PCDHGB4: variants seen among roughly 807,000 people sequenced by gnomAD.
PCDHGB4 encodes protocadherin gamma-B4.
Under a neutral mutation model 60.5 loss-of-function variants are expected in PCDHGB4, and 38 were observed. The ratio of observed to expected loss-of-function variants is 0.63; its 90% CI spans 0.48 to 0.82. The LOEUF is 0.82. PCDHGB4 is among the 40% of genes least tolerant of loss of function. PCDHGB4 has a pLI of 0.00. For missense variants in PCDHGB4, 1,109 were observed against 1,209.6 expected (o/e 0.92, Z 1.23); for synonymous variants, 456 against 509.7 (o/e 0.89, Z 1.42).
chr5:141,419,274 C>T lies in PCDHGB4; in HGVS notation c.2397+28993C>T, dbSNP rs755798236. 17 of 1,613,900 alleles carry T rather than the reference C, an allele frequency of 1.1e-5. No homozygotes were observed. Among genetic ancestry groups the T allele is most frequent in the African/African-American group, 1.3e-5 (1 of 74,948 alleles). ...AACAACCAGCCGGGTGCCTCCATAG[C>T]GCAAGTCAGTGCCTCTGACCCAGAC... is the stretch of plus-strand genomic sequence containing the variant. On this transcript the variant is annotated intron_variant, in intron 1 of 3. Transcript: ENST00000519479.
In PCDHGB4 at chr5:141,415,740, GTTTTTTTTTT is replaced by G. The variant is rs57426385; in HGVS notation, c.2397+25482_2397+25491del. The G allele has an allele frequency of 4.3e-3, 2,655 of 623,934 alleles. 2 individuals carry two copies. The highest frequency in any genetic ancestry group is 4.3e-3 in the Non-Finnish European group (2,016 of 468,394). The allele number at this position is 623,934 out of a possible 1,614,324, so 38.6% of individuals were successfully genotyped here. ...TGAGTAGAATTTGATGTTTATTAAG[GTTTTTTTTTT>G]TTTTTTTTTTTTTTTTTTTTTTACT... On this transcript the variant is annotated intron_variant, in intron 1 of 3. Coordinates refer to ENST00000519479, the MANE Select transcript of PCDHGB4 (RefSeq NM_003736.4).
At chr5:141,415,736 TAAGG>T (rs2095905512) in intron 1 of PCDHGB4, 1 of 1,289,864 alleles carries the variant, frequency 7.8e-7, no homozygotes, top group Admixed American at 3.4e-5. Flanking sequence ...TGATGTTTAT[TAAGG>T]TTTTTTTTTT....
At chr5:141,448,021 G>A (rs1376525971) in intron 1 of PCDHGB4, among the ~76,000 whole-genome samples, 2 of 152,050 alleles carry the variant, frequency 1.3e-5, no homozygotes, top group African/African-American at 4.8e-5. Context: ...AGGAGGTGGA[G>A]GTTGCAGTGA....
chr5:141,393,799 G>C lies in PCDHGB4; in HGVS notation c.2397+3518G>C, dbSNP rs2092846945. ...GCCGAAGATGTGGGGGCACTTCTGG[G>C]GAGGACCAAATTGCTCATTTCGGTG... On this transcript the variant is annotated intron_variant, in intron 1 of 3. Transcript: ENST00000519479. 2.5e-6 allele frequency: 4 copies of C among 1,613,802 alleles called. No homozygotes were observed. The highest frequency in any genetic ancestry group is 2.5e-6 in the Non-Finnish European group (3 of 1,179,888).
In PCDHGB4 at chr5:141,512,848, G is replaced by C. The variant is rs1362051688; in HGVS notation, c.*1675G>C. The C allele has an allele frequency of 6.6e-6, 1 of 152,216 alleles. No individual in the cohort carries two copies. 9.4% of individuals were successfully genotyped at this position (152,216 alleles called of 1,614,324 possible). ...CCCCGTACTGACTTCTCCTATAAGC[G>C]CTTCTCTTCGCATAGTCACGTAGCT... On this transcript the variant is annotated 3_prime_UTR_variant, in exon 4 of 4. Transcript: ENST00000519479.
Position 141,431,883 on chromosome 5 carries a change from A to T in PCDHGB4, c.2397+41602A>T, listed in dbSNP as rs748968989. 6.8e-6 allele frequency: 11 copies of T among 1,614,118 alleles called. No individual in the cohort carries two copies. The highest frequency in any genetic ancestry group is 1.1e-5 in the South Asian group (1 of 91,084). On this transcript the variant is annotated intron_variant, in intron 1 of 3. Transcript: ENST00000519479. The surrounding 1 kb of genome is among the most constrained non-coding windows in gnomAD (Gnocchi z 4.8). ...GCCCTTTTAAATGTAAATGACCAAG[A>T]TTCTGAGGAAAACGGACAGGTGATC...
chr5:141,408,855 G>T, intron 1 of PCDHGB4: 1 of 1,613,572 alleles, frequency 6.2e-7, no homozygotes, highest in Non-Finnish European at 8.5e-7. Context: ...TTGGACGGAG[G>T]GGACCCACCA....
intron 1 of PCDHGB4, chr5:141,423,297 C>T: frequency 1.9e-6 from 3 of 1,614,170 alleles, no homozygotes; most frequent in South Asian, 1.1e-5. Flanking sequence ...CCTCAGACCT[C>T]TCGCTGTACT....
intron 1 of PCDHGB4, chr5:141,420,079 C>T (rs1362049053): frequency 6.2e-7 from 1 of 1,613,998 alleles, no homozygotes; most frequent in Non-Finnish European, 8.5e-7. Flanking sequence ...CTGTGGGTCC[C>T]CCCAACTACA....
At chr5:141,441,782 G>T in intron 1 of PCDHGB4, 1 of 391,086 alleles carries the variant, frequency 2.6e-6, no homozygotes, top group East Asian at 8.8e-5. Context: ...TGGACGACCT[G>T]AATGACAACG....
In PCDHGB4 at chr5:141,432,854, G is replaced by A. The variant is rs769962088; in HGVS notation, c.2397+42573G>A. 1 of 1,614,192 alleles carries A rather than the reference G, an allele frequency of 6.2e-7. No homozygotes were observed. On this transcript the variant is annotated intron_variant, in intron 1 of 3. Transcript: ENST00000519479. The surrounding 1 kb of genome is among the most constrained non-coding windows in gnomAD (Gnocchi z 6.0). ...TCTGTACCTGGTGGTAGCGGTGGCC[G>A]CGGTCTCCTGCGTCTTCCTGGCCTT...
At chr5:141,450,006 C>CTATTTTTTTTT (rs70988802) in intron 1 of PCDHGB4, among the ~76,000 whole-genome samples, 2 of 132,964 alleles carry the variant, frequency 1.5e-5, no homozygotes, top group African/African-American at 2.8e-5. Flanking sequence ...TGCCATGTCT[C>CTATTTTTTTTT]TTTTTTTTTT....
In PCDHGB4 at chr5:141,486,042, G is replaced by A; in HGVS notation, c.2398-8765G>A. The A allele has an allele frequency of 6.2e-7, 1 of 1,614,180 alleles. No individual in the cohort carries two copies. The highest frequency in any genetic ancestry group is 8.5e-7 in the Non-Finnish European group (1 of 1,180,030). On this transcript the variant is annotated intron_variant, in intron 1 of 3. Coordinates refer to ENST00000519479, the MANE Select transcript of PCDHGB4 (RefSeq NM_003736.4). This position sits in a 1 kb window ranked among gnomAD's most constrained non-coding sequence, Gnocchi z 5.0. The stretch of plus-strand genomic sequence containing the variant: ...AGTGGTCATACCCCTGATCGTGTAA[G>A]AAACCTCTTTAGCCTGCACCCCACT...
In PCDHGB4 at chr5:141,486,680, T is replaced by A; in HGVS notation, c.2398-8127T>A. The A allele has an allele frequency of 6.2e-7, 1 of 1,614,102 alleles. No homozygotes were observed. Among genetic ancestry groups the A allele is most frequent in the Non-Finnish European group, 8.5e-7 (1 of 1,180,018 alleles). ...CCTGGAGCCCAGGAATCGAGATGTA[T>A]CAGCTTCCTCTTTCATCTCTCTGAA... is the stretch of plus-strand genomic sequence containing the variant. On this transcript the variant is annotated intron_variant, in intron 1 of 3. Coordinates refer to ENST00000519479, the MANE Select transcript of PCDHGB4 (RefSeq NM_003736.4). This position sits in a 1 kb window ranked among gnomAD's most constrained non-coding sequence, Gnocchi z 5.0.
At chr5:141,420,747 A>T (rs2096522944) in intron 1 of PCDHGB4, among the ~76,000 whole-genome samples, 1 of 152,220 alleles carries the variant, frequency 6.6e-6, no homozygotes, top group South Asian at 2.1e-4. Flanking sequence ...ATTGGAACCA[A>T]CTACAACCTA....
At chr5:141,393,124 T>C in intron 1 of PCDHGB4, 2 of 1,613,430 alleles carry the variant, frequency 1.2e-6, no homozygotes. Flanking sequence ...CGGTGTCTGA[T>C]AAATATTAAC....
chr5:141,431,658 C>T lies in PCDHGB4; in HGVS notation c.2397+41377C>T, dbSNP rs1283381348. 6.2e-7 allele frequency: 1 copy of T among 1,614,088 alleles called. No individual in the cohort carries two copies. ...TTCAAACTAGATTGTAATTCAGGGA[C>T]AATATCAACAATAGGGGAGTTGGAC... On this transcript the variant is annotated intron_variant, in intron 1 of 3. Transcript: ENST00000519479. The surrounding 1 kb of genome is among the most constrained non-coding windows in gnomAD (Gnocchi z 4.8).
At chr5:141,426,398 C>A (rs1264385461) in intron 1 of PCDHGB4, 3 of 257,270 alleles carry the variant, frequency 1.2e-5, no homozygotes, top group Non-Finnish European at 2.3e-5. Context: ...TACTCTATTC[C>A]AGAAGAAACG....
chr5:141,394,622 G>A (rs1472873845), intron 1 of PCDHGB4: 32 of 1,613,496 alleles, frequency 2.0e-5, no homozygotes, highest in Non-Finnish European at 2.6e-5. Flanking sequence ...AGAACGCCTG[G>A]CTGTCCTACC....
Sources: allele counts gnomAD v4.1 joint callset (sites outside exome capture counted in the v4.1 genomes callset), GRCh38; gene constraint gnomAD v4.1.1; non-coding constraint Gnocchi (gnomAD v3.1); transcripts MANE v1.5; gene names NCBI Gene and HGNC (gene_info 2026-07-23, HGNC 2026-07-21).